Variants in TTC7B observed in about 807,000 individuals in gnomAD.
TTC7B encodes tetratricopeptide repeat protein 7B.
A neutral mutation model predicts 106.8 loss-of-function variants in TTC7B; 28 were observed. The observed-to-expected ratio is 0.26, with a 90% confidence interval of 0.19 to 0.36. The LOEUF is 0.36. Among genes scored for constraint, TTC7B ranks in the 10% least tolerant of loss-of-function variants. TTC7B has a pLI of 1.00. For missense variants in TTC7B, 862 were observed against 1,076.4 expected, an observed-to-expected ratio of 0.80 and a Z score of 2.79; for synonymous variants, 405 against 430.6, an observed-to-expected ratio of 0.94 and a Z score of 0.74.
intron 3 of TTC7B, among the ~76,000 whole-genome samples, chr14:90,763,030 A>G (rs1353583601): frequency 2.0e-5 from 3 of 152,222 alleles, no homozygotes; most frequent in African/African-American, 7.2e-5. Context: ...AGGAGGGAAC[A>G]CTTCACAACT....
intron 5 of TTC7B, among the ~76,000 whole-genome samples, chr14:90,727,469 C>CT (rs1889153411): frequency 6.6e-6 from 1 of 152,216 alleles, no homozygotes; most frequent in African/African-American, 2.4e-5. Flanking sequence ...GCTGTGAGGA[C>CT]CAGTGACCAT....
At chr14:90,579,233 C>A (rs1891385373) in intron 18 of TTC7B, among the ~76,000 whole-genome samples, 1 of 152,232 alleles carries the variant, frequency 6.6e-6, no homozygotes, top group Admixed American at 6.5e-5. Flanking sequence ...CCCCACCCCT[C>A]TCCAGGGCCA....
intron 18 of TTC7B, among the ~76,000 whole-genome samples, chr14:90,591,018 CTTGTGTGATTATATTAAAA>C (rs1858649189): frequency 6.6e-6 from 1 of 152,132 alleles, no homozygotes; most frequent in African/African-American, 2.4e-5. Context: ...AGAAACGGAT[CTTGTGTGATTATATTAAAA>C]TTCAAGGACA....
chr14:90,741,498 G>A (rs997795280), intron 4 of TTC7B, among the ~76,000 whole-genome samples: 52 of 152,142 alleles, frequency 3.4e-4, no homozygotes, highest in African/African-American at 1.2e-3. Context: ...TCTGCCCAGC[G>A]GAGCAAACAG....
chr14:90,654,848 A>C, intron 12 of TTC7B, 145 bp downstream of exon 12: 1 of 639,838 alleles, frequency 1.6e-6, no homozygotes. Context: ...GGACAGCAGC[A>C]CCAGGGGCCC....
intron 16 of TTC7B, among the ~76,000 whole-genome samples, chr14:90,613,797 G>A (rs187849366): frequency 1.3e-5 from 2 of 152,400 alleles, no homozygotes; most frequent in African/African-American, 4.8e-5. Flanking sequence ...GTAGTAGAGC[G>A]AAAGGAAACT....
At chr14:90,611,424 A>T (rs1013274972) in intron 16 of TTC7B, among the ~76,000 whole-genome samples, 1 of 151,526 alleles carries the variant, frequency 6.6e-6, no homozygotes, top group Non-Finnish European at 1.5e-5. Context: ...AGAACCCCTG[A>T]CCCCCTTTTC....
At chr14:90,668,135 T>C (rs1046699445) in intron 9 of TTC7B, among the ~76,000 whole-genome samples, 6 of 144,554 alleles carry the variant, frequency 4.2e-5, no homozygotes, top group Non-Finnish European at 7.6e-5. Context: ...AAAAAAAAAA[T>C]TGGTAGACTG....
intron 19 of TTC7B, among the ~76,000 whole-genome samples, chr14:90,542,035 G>C (rs936968401): frequency 6.6e-6 from 1 of 152,176 alleles, no homozygotes; most frequent in African/African-American, 2.4e-5. Context: ...CGCCTCCCGG[G>C]TTCATGCCAT....
intron 19 of TTC7B, among the ~76,000 whole-genome samples, chr14:90,558,225 G>T (rs959129818): frequency 9.2e-5 from 14 of 152,380 alleles, no homozygotes; most frequent in African/African-American, 2.6e-4. Flanking sequence ...CCTCAGCAAG[G>T]CTGCCAGACC....
rs1008512924 is a variant in TTC7B at position 90,525,978 on chromosome 14, A to T, written c.*15390T>A. The T allele has an allele frequency of 2.1e-5, 3 of 143,014 alleles. No homozygotes were observed. The highest frequency in any genetic ancestry group is 1.4e-4 in the Admixed American group (2 of 14,750). 8.9% of individuals were successfully genotyped at this position (143,014 alleles called of 1,614,324 possible). ...TGGTTAAAAAATAAAAAAAAATAAA[A>T]AAAATAAAAAAAAAAAAGAAGTCTT... On this transcript the variant is annotated 3_prime_UTR_variant, in exon 20 of 20. Transcript: ENST00000328459.
intron 13 of TTC7B, among the ~76,000 whole-genome samples, chr14:90,651,856 G>C (rs1198208814): frequency 6.6e-6 from 1 of 152,202 alleles, no homozygotes; most frequent in Non-Finnish European, 1.5e-5. Flanking sequence ...TGATAAATCA[G>C]TAGGCAGCCC....
rs977425195 is a variant in TTC7B at position 90,761,365 on chromosome 14, A to G, written c.446-16443T>C. 8.6e-5 allele frequency among the ~76,000 whole-genome samples: 13 copies of G among 152,046 alleles called. No homozygotes were observed. In the East Asian group the frequency reaches 2.5e-3, roughly 29 times the overall value. ...TCAGGTTTTCACATTTCTGACAACCATCACCCCCACCAGATCCACCACAGG... is the reference window on the plus strand; with the variant it reads ...TCAGGTTTTCACATTTCTGACAACCGTCACCCCCACCAGATCCACCACAGG... On this transcript the variant is annotated intron_variant, in intron 3 of 19. Transcript: ENST00000328459.
chr14:90,606,989 A>C lies in TTC7B; in HGVS notation c.1966+3753T>G, dbSNP rs1445378807. ...TCTTATCAGTTACACATATATCCTG[A>C]AATTTTAACAGGCAAAATAGGATAT... On this transcript the variant is annotated intron_variant, in intron 17 of 19. Transcript: ENST00000328459. Among the ~76,000 whole-genome samples, 10 of 152,232 alleles carry C rather than the reference A, an allele frequency of 6.6e-5. 1 individual carries two copies. The highest frequency in any genetic ancestry group is 1.3e-4 in the Non-Finnish European group (9 of 68,046).
At chr14:90,548,999 G>A (rs1236763495) in intron 19 of TTC7B, among the ~76,000 whole-genome samples, 1 of 152,088 alleles carries the variant, frequency 6.6e-6, no homozygotes, top group East Asian at 1.9e-4. Flanking sequence ...GTGGTGGCGG[G>A]CGCCTGTAGT....
At chr14:90,703,689 G>T (rs1430878151) in intron 5 of TTC7B, among the ~76,000 whole-genome samples, 2 of 152,240 alleles carry the variant, frequency 1.3e-5, no homozygotes, top group Non-Finnish European at 2.9e-5. Context: ...GGGACGACAG[G>T]CGTCGCAAGC....
chr14:90,659,984 G>A (rs1484156727), intron 9 of TTC7B, among the ~76,000 whole-genome samples: 1 of 152,132 alleles, frequency 6.6e-6, no homozygotes, highest in African/African-American at 2.4e-5. Context: ...TCCAGATAAG[G>A]AGGAGAGAAT....
At chr14:90,750,224 T>C (rs922862849) in intron 3 of TTC7B, among the ~76,000 whole-genome samples, 3 of 152,300 alleles carry the variant, frequency 2.0e-5, no homozygotes, top group Admixed American at 6.5e-5. Flanking sequence ...CACAAAGAGA[T>C]AGATCATTTC....
intron 9 of TTC7B, among the ~76,000 whole-genome samples, chr14:90,659,213 T>TTGTGTG (rs148678143): frequency 1.4e-3 from 210 of 146,718 alleles, no homozygotes; most frequent in African/African-American, 4.4e-3. Context: ...ACGAGTGTGA[T>TTGTGTG]TGTGTGTGTG....
Sources: allele counts gnomAD v4.1 joint callset (sites outside exome capture counted in the v4.1 genomes callset), GRCh38; gene constraint gnomAD v4.1.1; transcripts MANE v1.5; gene names NCBI Gene and HGNC (gene_info 2026-07-23, HGNC 2026-07-21).